The following GABPB1 variants were observed in gnomAD, a reference collection of about 807,000 sequenced individuals.
GABPB1 encodes GA binding protein transcription factor subunit beta 1.
A neutral mutation model predicts 45.9 loss-of-function variants in GABPB1; 15 were observed. That is an observed-to-expected ratio of 0.33 (90% CI 0.22 to 0.50). GABPB1 has a LOEUF of 0.50. GABPB1 is among the 20% of genes least tolerant of loss of function. The probability of loss-of-function intolerance (pLI) is 0.98; values close to 1 mark genes in which losing one functional copy is unlikely to be tolerated. For missense variants in GABPB1, 252 were observed against 457.5 expected (o/e 0.55, Z 4.10); for synonymous variants, 143 against 154.4 (o/e 0.93, Z 0.55).
At chr15:50,325,930 C>G (rs2047744065) in intron 1 of GABPB1, among the ~76,000 whole-genome samples, 1 of 138,896 alleles carries the variant, frequency 7.2e-6, no homozygotes, top group Admixed American at 7.2e-5. Flanking sequence ...TTTTTTAAGA[C>G]AGAGTCTGGC....
At chr15:50,337,075 G>GTATA (rs869106382) in intron 1 of GABPB1, among the ~76,000 whole-genome samples, 140 of 13,986 alleles carry the variant, frequency 0.01, 2 homozygotes, top group Middle Eastern at 0.056. Flanking sequence ...ATATGTGTGT[G>GTATA]TATATATATA....
chr15:50,320,680 T>C (rs2047536110), intron 1 of GABPB1, among the ~76,000 whole-genome samples: 1 of 152,228 alleles, frequency 6.6e-6, no homozygotes, highest in Non-Finnish European at 1.5e-5. Flanking sequence ...GTGGTTATCC[T>C]GGATTATCCA....
chr15:50,329,114 C>T (rs185011036), intron 1 of GABPB1, among the ~76,000 whole-genome samples: 27 of 152,246 alleles, frequency 1.8e-4, no homozygotes, highest in Middle Eastern at 3.4e-3. Flanking sequence ...TTCCAGGTTA[C>T]GCATGTCCCC....
At chr15:50,314,183 A>ATTTTTT (rs879259395) in intron 1 of GABPB1, among the ~76,000 whole-genome samples, 1 of 115,540 alleles carries the variant, frequency 8.7e-6, no homozygotes, top group Non-Finnish European at 2.0e-5. Context: ...TTATTTATTT[A>ATTTTTT]TTTATTTATT....
intron 1 of GABPB1, among the ~76,000 whole-genome samples, chr15:50,324,203 CA>C (rs10714565): frequency 0.56 from 82,019 of 146,516 alleles, 22,923 homozygotes; most frequent in Middle Eastern, 0.67. Context: ...GACCTCATCT[CA>C]AAAAAAAAAA....
chr15:50,292,489 A>G (rs1356821242), intron 6 of GABPB1, among the ~76,000 whole-genome samples: 3 of 152,066 alleles, frequency 2.0e-5, no homozygotes, highest in African/African-American at 7.2e-5. Context: ...CAAAGGGGAA[A>G]ATCTACCTGA....
At chr15:50,306,276 G>A (rs1042391879) in intron 2 of GABPB1, among the ~76,000 whole-genome samples, 2 of 152,016 alleles carry the variant, frequency 1.3e-5, no homozygotes, top group Non-Finnish European at 2.9e-5. Flanking sequence ...GCCAATATAT[G>A]TAGTTTAAGG....
At chr15:50,325,595 G>A (rs183840132) in intron 1 of GABPB1, among the ~76,000 whole-genome samples, 197 of 151,886 alleles carry the variant, frequency 1.3e-3, no homozygotes, top group African/African-American at 4.1e-3. Context: ...GCAGTGGCAC[G>A]ATCTTGGCTC....
intron 1 of GABPB1, among the ~76,000 whole-genome samples, chr15:50,334,781 C>T (rs1267006372): frequency 6.6e-6 from 1 of 152,144 alleles, no homozygotes; most frequent in Non-Finnish European, 1.5e-5. Flanking sequence ...TTTTTCAAAA[C>T]TATAATGCCA....
At chr15:50,354,607 A>C (rs1445480656) in intron 1 of GABPB1, 1 of 445,652 alleles carries the variant, frequency 2.2e-6, no homozygotes. Flanking sequence ...TCGCCCGCAG[A>C]ACCTCCGCTG....
chr15:50,337,108 T>TGA (rs2048171177), intron 1 of GABPB1, among the ~76,000 whole-genome samples: 1 of 6,246 alleles, frequency 1.6e-4, no homozygotes, highest in African/African-American at 1.6e-3. Flanking sequence ...TATATATATA[T>TGA]ATATATATAT....
At chr15:50,320,820 T>A (rs374777636) in intron 1 of GABPB1, among the ~76,000 whole-genome samples, 1 of 152,038 alleles carries the variant, frequency 6.6e-6, no homozygotes, top group African/African-American at 2.4e-5. Context: ...TGAGAGAGAT[T>A]TGAAGATACT....
intron 8 of GABPB1, among the ~76,000 whole-genome samples, chr15:50,281,897 T>G (rs1223486278): frequency 6.6e-6 from 1 of 151,932 alleles, no homozygotes; most frequent in African/African-American, 2.4e-5. Context: ...AGCCTAGGAG[T>G]GAGAGACTAG....
At chr15:50,337,122 T>TGA (rs2048173959) in intron 1 of GABPB1, among the ~76,000 whole-genome samples, 2 of 7,836 alleles carry the variant, frequency 2.6e-4, no homozygotes, top group African/African-American at 1.1e-3. Context: ...TATATATATA[T>TGA]ATATATAATA....
At chr15:50,286,244 C>T (rs1446405673) in intron 7 of GABPB1, 61 bp from the exon 8 acceptor site, 19 of 1,164,390 alleles carry the variant, frequency 1.6e-5, no homozygotes, top group Non-Finnish European at 1.7e-5. Flanking sequence ...AGAAATAAAA[C>T]TAGTCTTGAC....
At chr15:50,312,542 G>C (rs4775874) in intron 1 of GABPB1, among the ~76,000 whole-genome samples, 75,005 of 151,892 alleles carry the variant, frequency 0.49, 19,595 homozygotes, top group Middle Eastern at 0.65. Flanking sequence ...ATTCAACAGG[G>C]AAGAAACCTG....
chr15:50,317,482 T>C (rs1157190411), intron 1 of GABPB1, among the ~76,000 whole-genome samples: 1 of 151,842 alleles, frequency 6.6e-6, no homozygotes, highest in African/African-American at 2.4e-5. Context: ...ATTTTCCCTT[T>C]TTTCTACTTT....
chr15:50,286,729 T>A lies in GABPB1; in HGVS notation c.884-546A>T, dbSNP rs534444352. ...TATCCACTAAGTGCATATTCCATTA[T>A]GAGCACTGATAGTTCATAAACATTG... On this transcript the variant is annotated intron_variant, in intron 7 of 8. Coordinates refer to ENST00000380877, the MANE Select transcript of GABPB1 (RefSeq NM_016654.5). Among the ~76,000 whole-genome samples, 11 of 152,320 alleles carry A rather than the reference T, an allele frequency of 7.2e-5. No individual in the cohort carries two copies. In the South Asian group the frequency reaches 2.3e-3, roughly 32 times the overall value.
chr15:50,353,585 AAAAC>A (rs2141200971), intron 1 of GABPB1: 1 of 152,114 alleles, frequency 6.6e-6, no homozygotes, highest in East Asian at 1.9e-4. Context: ...TTGGAAAAAA[AAAAC>A]CAAGAGAAAA....
Sources: gnomAD v4.1 joint callset for allele counts (sites outside exome capture counted in the v4.1 genomes callset) on GRCh38, gnomAD v4.1.1 for gene constraint, MANE v1.5 for transcripts, NCBI Gene and HGNC (gene_info 2026-07-23, HGNC 2026-07-21) for gene names.